PRKD1: variants seen among roughly 807,000 people sequenced by gnomAD.
The protein encoded by PRKD1 is protein kinase D1, also known as serine/threonine-protein kinase D1.
A neutral mutation model predicts 95.9 loss-of-function variants in PRKD1; 63 were observed. That is an observed-to-expected ratio of 0.66 (90% CI 0.54 to 0.81). The LOEUF (loss-of-function observed/expected upper bound fraction) is 0.81. PRKD1 is among the 30% of genes least tolerant of loss of function. The pLI, the probability that PRKD1 is intolerant of heterozygous loss-of-function variation, is 0.00. For missense variants in PRKD1, 1,048 were observed against 1,165.3 expected (o/e 0.90, Z 1.47); for synonymous variants, 425 against 423.1 (o/e 1.00, Z -0.05).
intron 1 of PRKD1, among the ~76,000 whole-genome samples, chr14:29,895,366 AT>A (rs1414500738): frequency 6.6e-6 from 1 of 151,918 alleles, no homozygotes; most frequent in Admixed American, 6.6e-5. Flanking sequence ...TATTTAATGG[AT>A]TTTTCTCCCC....
At chr14:29,577,736 T>C (rs1286381219) in intron 17 of PRKD1, among the ~76,000 whole-genome samples, 1 of 152,206 alleles carries the variant, frequency 6.6e-6, no homozygotes, top group Non-Finnish European at 1.5e-5. Context: ...TCCTTTGAAA[T>C]TTAATGCCTA....
In PRKD1 at chr14:29,597,408, TAATTTACAATTAAATTAATTTA is replaced by T; in HGVS notation, c.2434+61_2434+82del. On this transcript the variant is annotated intron_variant, in intron 16 of 17. Coordinates refer to ENST00000331968, the MANE Select transcript of PRKD1 (RefSeq NM_002742.3). ...TTACAATGAGCATGTATTAAGTTAA[TAATTTACAATTAAATTAATTTA>T]AATTAATAACATAAACAAATAAGGA... 2.3e-6 allele frequency: 3 copies of T among 1,328,590 alleles called. 1 individual carries two copies. The South Asian group carries it at 5.5e-5, about 24-fold the overall frequency. 82.3% of individuals were successfully genotyped at this position (1,328,590 alleles called of 1,614,324 possible). A position where few individuals can be genotyped will look rare whatever the true frequency, so the allele number is the denominator to read the frequency against.
chr14:29,758,632 A>G lies in PRKD1; in HGVS notation c.265-32958T>C, dbSNP rs532592013. The stretch of plus-strand genomic sequence containing the variant: ...AAGGTCAATTCTTCAATTGAGCTCT[A>G]GAGCACAAGAGAAAAACTCCACAAA... On this transcript the variant is annotated intron_variant, in intron 1 of 17. Coordinates refer to ENST00000331968, the MANE Select transcript of PRKD1 (RefSeq NM_002742.3). 8.5e-5 allele frequency among the ~76,000 whole-genome samples: 13 copies of G among 152,370 alleles called. No homozygotes were observed. The East Asian group carries it at 2.5e-3, about 29-fold the overall frequency.
At chr14:29,741,783 A>G (rs1304086219) in intron 1 of PRKD1, among the ~76,000 whole-genome samples, 1 of 152,152 alleles carries the variant, frequency 6.6e-6, no homozygotes, top group African/African-American at 2.4e-5. Flanking sequence ...AATTTTACTG[A>G]CACTTATATT....
intron 1 of PRKD1, among the ~76,000 whole-genome samples, chr14:29,859,628 AC>A (rs1892634691): frequency 6.6e-6 from 1 of 151,728 alleles, no homozygotes. Flanking sequence ...AAAAAATCTG[AC>A]AGTAATAATG....
intron 1 of PRKD1, among the ~76,000 whole-genome samples, chr14:29,790,601 A>G (rs1889500517): frequency 6.6e-6 from 1 of 152,136 alleles, no homozygotes; most frequent in Non-Finnish European, 1.5e-5. Flanking sequence ...CTCATTGCTC[A>G]TATTTCTGTA....
At chr14:29,805,855 G>A (rs1454493024) in intron 1 of PRKD1, among the ~76,000 whole-genome samples, 2 of 152,206 alleles carry the variant, frequency 1.3e-5, no homozygotes, top group Non-Finnish European at 2.9e-5. Flanking sequence ...GTAAGTACTT[G>A]TAAGTTGCCA....
chr14:29,826,700 C>CACATATATATACAT lies in PRKD1; in HGVS notation c.264+100548_264+100549insATGTATATATATGT, dbSNP rs377377299. ...ATATATATATACACACATATATATA[C>CACATATATATACAT]ATATATACACATATATATATACATA... On this transcript the variant is annotated intron_variant, in intron 1 of 17. Transcript: ENST00000331968. 5.5e-3 allele frequency among the ~76,000 whole-genome samples: 159 copies of CACATATATATACAT among 28,734 alleles called. 27 individuals are homozygous for CACATATATATACAT. The highest frequency in any genetic ancestry group is 0.015 in the African/African-American group (136 of 9,110). The allele number at this position is 28,734 out of a possible 152,430, so 18.9% of individuals were successfully genotyped here.
In PRKD1 at chr14:29,824,685, C is replaced by T. The variant is rs533602835; in HGVS notation, c.265-99011G>A. On this transcript the variant is annotated intron_variant, in intron 1 of 17. Coordinates refer to ENST00000331968, the MANE Select transcript of PRKD1 (RefSeq NM_002742.3). ...AATATATTCATACGCAGGAAATTCA[C>T]TCACTATACTGATGAAACTATTCTA... Among the ~76,000 whole-genome samples, 18 of 152,278 alleles carry T rather than the reference C, an allele frequency of 1.2e-4. No individual in the cohort carries two copies. In the South Asian group the frequency reaches 3.7e-3, roughly 32 times the overall value.
rs758068225 is a variant in PRKD1 at position 29,782,556 on chromosome 14, G to A, written c.265-56882C>T. ...TTTTGTTTTTTGCTTTTTTGATACA[G>A]GGTCTCCTTCTGTTGCCCAGGCTAG... On this transcript the variant is annotated intron_variant, in intron 1 of 17. Transcript: ENST00000331968. 9.2e-4 allele frequency among the ~76,000 whole-genome samples: 139 copies of A among 151,720 alleles called. 6 individuals carry two copies. Among genetic ancestry groups the A allele is most frequent in the Non-Finnish European group, 1.6e-4 (11 of 67,984 alleles).
chr14:29,756,638 A>G (rs45627443), intron 1 of PRKD1, among the ~76,000 whole-genome samples: 2,992 of 152,250 alleles, frequency 0.02, 101 homozygotes, highest in Admixed American at 0.087. Flanking sequence ...GACACTGGGT[A>G]CTCATGTGTT....
chr14:29,750,616 G>A (rs76339355), intron 1 of PRKD1, among the ~76,000 whole-genome samples: 433 of 148,474 alleles, frequency 2.9e-3, no homozygotes, highest in Middle Eastern at 0.01. Flanking sequence ...ATGAACGCGC[G>A]CACACACACA....
intron 8 of PRKD1, 82 bp from the exon 9 acceptor site, chr14:29,633,028 T>A (rs1385436324): frequency 1.6e-6 from 2 of 1,272,232 alleles, no homozygotes; most frequent in East Asian, 4.6e-5. Flanking sequence ...ATTTCCCCAA[T>A]AGGGACATGC....
intron 14 of PRKD1, 96 bp from the exon 15 acceptor site, chr14:29,599,221 A>T: frequency 2.0e-6 from 2 of 998,194 alleles, no homozygotes; most frequent in Non-Finnish European, 1.5e-6. Flanking sequence ...GACAATGGAC[A>T]TTCAAATTTC....
At chr14:29,859,719 C>T (rs1892637316) in intron 1 of PRKD1, among the ~76,000 whole-genome samples, 1 of 151,976 alleles carries the variant, frequency 6.6e-6, no homozygotes, top group African/African-American at 2.4e-5. Context: ...ACTCTAATCT[C>T]ATTATAAGAA....
intron 1 of PRKD1, among the ~76,000 whole-genome samples, chr14:29,789,763 G>A (rs373238563): frequency 1.2e-4 from 18 of 152,144 alleles, no homozygotes; most frequent in East Asian, 1.2e-3. Context: ...TCAGGCCCCC[G>A]GACAGGAAGT....
At chr14:29,592,208 G>A (rs377282870) in intron 16 of PRKD1, among the ~76,000 whole-genome samples, 17 of 151,894 alleles carry the variant, frequency 1.1e-4, no homozygotes, top group African/African-American at 3.6e-4. Context: ...AATGACCACC[G>A]ACACAGCCAT....
intron 1 of PRKD1, among the ~76,000 whole-genome samples, chr14:29,875,275 T>C (rs1290330999): frequency 6.6e-6 from 1 of 152,012 alleles, no homozygotes; most frequent in Non-Finnish European, 1.5e-5. Context: ...GCCCAGATGG[T>C]AGAAAGTCTT....
At chr14:29,863,656 T>C (rs1892784072) in intron 1 of PRKD1, among the ~76,000 whole-genome samples, 6 of 151,886 alleles carry the variant, frequency 4.0e-5, no homozygotes, top group Admixed American at 3.9e-4. Context: ...CAGAGAAAAA[T>C]AAATAAAGAT....
Sources: allele counts gnomAD v4.1 joint callset (sites outside exome capture counted in the v4.1 genomes callset), GRCh38; gene constraint gnomAD v4.1.1; transcripts MANE v1.5; gene names NCBI Gene and HGNC (gene_info 2026-07-23, HGNC 2026-07-21).